ASXL2: variants seen among roughly 807,000 people sequenced by gnomAD.
The protein encoded by ASXL2 is putative Polycomb group protein ASXL2.
Under a neutral mutation model 122.0 loss-of-function variants are expected in ASXL2, and 23 were observed. That is an observed-to-expected ratio of 0.19 (90% CI 0.14 to 0.27). The LOEUF is 0.27. Ranked by LOEUF, ASXL2 falls within the 10% of genes least tolerant of loss-of-function variation. The pLI is 1.00. For missense variants in ASXL2, 1,518 were observed against 1,713.8 expected (o/e 0.89, Z 2.02); for synonymous variants, 650 against 637.0 (o/e 1.02, Z -0.31).
rs943083409 is a variant in ASXL2, at chr2:25,738,211, A to G, written c.*3818T>C. 8 of 152,296 alleles carry G rather than the reference A, an allele frequency of 5.3e-5. No homozygotes were observed. The East Asian group carries it at 1.3e-3, about 26-fold the overall frequency. The allele number at this position is 152,296 out of a possible 1,614,324, so 9.4% of individuals were successfully genotyped here. ...TATTACTTAAAATATATTACTGGAAAGCTATTTTTAAAATTGATCTTCAAT... is the reference window on the plus strand; with the variant it reads ...TATTACTTAAAATATATTACTGGAAGGCTATTTTTAAAATTGATCTTCAAT... On this transcript the variant is annotated 3_prime_UTR_variant, in exon 13 of 13. Coordinates refer to ENST00000435504, the MANE Select transcript of ASXL2 (RefSeq NM_018263.6).
intron 1 of ASXL2, among the ~76,000 whole-genome samples, chr2:25,857,208 C>T (rs1000412475): frequency 1.3e-5 from 2 of 151,794 alleles, no homozygotes; most frequent in African/African-American, 4.8e-5. Flanking sequence ...CTTCTGTATC[C>T]AACCCCAAAA....
chr2:25,794,153 T>C (rs1438672767), intron 5 of ASXL2, among the ~76,000 whole-genome samples: 2 of 152,172 alleles, frequency 1.3e-5, no homozygotes, highest in Admixed American at 6.5e-5. Flanking sequence ...ACACAATATA[T>C]ATCAAATTCC....
chr2:25,831,702 A>G (rs1396879397), intron 3 of ASXL2, among the ~76,000 whole-genome samples: 2 of 152,202 alleles, frequency 1.3e-5, no homozygotes, highest in Non-Finnish European at 2.9e-5. Context: ...AGAAAAAGAA[A>G]AAGTAATAAA....
chr2:25,753,542 A>G lies in ASXL2; in HGVS notation c.1134T>C (p.Tyr378=). ...ACCTGTCCTAATATTACCTCTGCCC[A>G]TAGTAGCTTTCAAAGAATTGTTCTT... The part of the protein sequence containing the change: ...PWKEQFFESY[Y]GQSSGLSLED... The change falls in exon 11 of 13, where the codon TAT becomes TAC. Residue 378 remains tyrosine (Y), a synonymous_variant. Transcript: ENST00000435504. 3.1e-6 allele frequency: 5 copies of G among 1,613,320 alleles called. No individual in the cohort carries two copies. Among genetic ancestry groups the G allele is most frequent in the Non-Finnish European group, 4.2e-6 (5 of 1,179,454 alleles).
intron 12 of ASXL2, among the ~76,000 whole-genome samples, chr2:25,747,815 GA>G (rs944596921): frequency 2.0e-5 from 3 of 150,624 alleles, no homozygotes; most frequent in Non-Finnish European, 4.4e-5. Context: ...GTTAATGGTA[GA>G]AAAAAAAATA....
intron 5 of ASXL2, among the ~76,000 whole-genome samples, chr2:25,784,984 A>G (rs2088713217): frequency 6.6e-6 from 1 of 152,226 alleles, no homozygotes; most frequent in Admixed American, 6.5e-5. Flanking sequence ...ACTGTCATTC[A>G]TTGAATATAA....
chr2:25,791,209 C>T (rs139766814), intron 5 of ASXL2, among the ~76,000 whole-genome samples: 210 of 152,094 alleles, frequency 1.4e-3, no homozygotes, highest in African/African-American at 4.7e-3. Flanking sequence ...CTTTGTGAGG[C>T]CGGGCGTGGA....
Position 25,809,164 on chromosome 2 carries a change from G to C in ASXL2, c.144-2827C>G, listed in dbSNP as rs75892114. 4.7e-3 allele frequency among the ~76,000 whole-genome samples: 715 copies of C among 152,216 alleles called. 3 individuals carry two copies. The highest frequency in any genetic ancestry group is 8.3e-3 in the Non-Finnish European group (563 of 68,018). On this transcript the variant is annotated intron_variant, in intron 3 of 12. Coordinates refer to ENST00000435504, the MANE Select transcript of ASXL2 (RefSeq NM_018263.6). ...GGCAAAACATAATCTTTCAAGGAGG[G>C]AGGATAGCAATTAAGTGGTCACTGC...
chr2:25,837,730 G>A (rs1007123595), intron 2 of ASXL2, among the ~76,000 whole-genome samples: 2 of 151,920 alleles, frequency 1.3e-5, no homozygotes, highest in Non-Finnish European at 2.9e-5. Flanking sequence ...TGTGCCTGTG[G>A]TTCCAGCTAC....
chr2:25,858,982 T>C (rs990865387), intron 1 of ASXL2, among the ~76,000 whole-genome samples: 3 of 146,562 alleles, frequency 2.0e-5, no homozygotes, highest in African/African-American at 7.6e-5. Context: ...CCCAGCTAAT[T>C]TTTGTATTTT....
chr2:25,829,313 C>A (rs1027398242), intron 3 of ASXL2, among the ~76,000 whole-genome samples: 2 of 151,586 alleles, frequency 1.3e-5, no homozygotes, highest in African/African-American at 4.9e-5. Context: ...CACACACACA[C>A]GAGGGTTTAT....
rs75309202 is a variant in ASXL2 at position 25,834,537 on chromosome 2, A to T, written c.143+1001T>A. ...AGGTTCTTACAAATGAACTTAATGG[A>T]CTACAAATATAACTAGAGTTAAAAA... On this transcript the variant is annotated intron_variant, in intron 3 of 12. Transcript: ENST00000435504. 8.2e-3 allele frequency among the ~76,000 whole-genome samples: 1,255 copies of T among 152,312 alleles called. 10 individuals carry two copies. Among genetic ancestry groups the T allele is most frequent in the African/African-American group, 0.029 (1,222 of 41,560 alleles).
At chr2:25,866,557 G>A (rs948205398) in intron 1 of ASXL2, among the ~76,000 whole-genome samples, 1 of 152,144 alleles carries the variant, frequency 6.6e-6, no homozygotes, top group Non-Finnish European at 1.5e-5. Flanking sequence ...CTAGAAAACA[G>A]AGCTGAGAAA....
intron 3 of ASXL2, among the ~76,000 whole-genome samples, chr2:25,827,815 A>G (rs2089396204): frequency 6.6e-6 from 1 of 152,206 alleles, no homozygotes; most frequent in Non-Finnish European, 1.5e-5. Flanking sequence ...ACAGAGCAGC[A>G]GATGGGCACA....
intron 12 of ASXL2, among the ~76,000 whole-genome samples, chr2:25,749,176 G>A (rs1436959762): frequency 6.6e-6 from 1 of 152,088 alleles, no homozygotes; most frequent in African/African-American, 2.4e-5. Context: ...TTTTCATGAT[G>A]GTCTGGAAGC....
At chr2:25,853,068 A>G (rs934824293) in intron 1 of ASXL2, among the ~76,000 whole-genome samples, 18 of 152,204 alleles carry the variant, frequency 1.2e-4, no homozygotes, top group African/African-American at 3.1e-4. Flanking sequence ...AGACCCAAAT[A>G]TCCCTGCATA....
intron 5 of ASXL2, among the ~76,000 whole-genome samples, chr2:25,793,996 G>A (rs988191807): frequency 3.9e-5 from 6 of 152,086 alleles, no homozygotes; most frequent in Non-Finnish European, 7.4e-5. Context: ...TCTCCTAAAG[G>A]TCTCTCTCCA....
At chr2:25,839,922 G>A (rs2089558634) in intron 2 of ASXL2, among the ~76,000 whole-genome samples, 3 of 147,682 alleles carry the variant, frequency 2.0e-5, no homozygotes, top group South Asian at 2.1e-4. Flanking sequence ...GTAAAGACAA[G>A]GTCTCGCTAT....
rs928101702 is a variant in ASXL2 at position 25,769,665 on chromosome 2, T to C, written c.505-797A>G. Among the ~76,000 whole-genome samples the C allele has an allele frequency of 3.5e-5, 5 of 141,444 alleles. 1 individual carries two copies. In the South Asian group the frequency reaches 1.1e-3, roughly 32 times the overall value. 92.8% of individuals were successfully genotyped at this position (141,444 alleles called of 152,430 possible). ...GCAACTTTTAACTTAAGGTTTTCTT[T>C]AAAAAAAAAAAAAGAAAAAGAAACG... On this transcript the variant is annotated intron_variant, in intron 6 of 12. Coordinates refer to ENST00000435504, the MANE Select transcript of ASXL2 (RefSeq NM_018263.6).
Sources: allele counts gnomAD v4.1 joint callset (sites outside exome capture counted in the v4.1 genomes callset), GRCh38; gene constraint gnomAD v4.1.1; transcripts MANE v1.5; gene names NCBI Gene and HGNC (gene_info 2026-07-23, HGNC 2026-07-21).